GALNT2: variants seen among roughly 807,000 people sequenced by gnomAD.
The protein encoded by GALNT2 is polypeptide N-acetylgalactosaminyltransferase 2, also known as UDP-GalNAc:polypeptide N-acetylgalactosaminyltransferase 2.
A neutral mutation model predicts 81.4 loss-of-function variants in GALNT2; 31 were observed. The observed-to-expected ratio is 0.38, with a 90% CI of 0.29 to 0.51. The LOEUF is 0.51. GALNT2 is among the 20% of genes least tolerant of loss of function. GALNT2 has a pLI of 0.87. For missense variants in GALNT2, 629 were observed against 765.7 expected, an observed-to-expected ratio of 0.82 and a Z score of 2.11; for synonymous variants, 303 against 287.4, an observed-to-expected ratio of 1.05 and a Z score of -0.55.
At chr1:230,190,686 C>G (rs1663494005) in intron 2 of GALNT2, among the ~76,000 whole-genome samples, 1 of 152,098 alleles carries the variant, frequency 6.6e-6, no homozygotes, top group Non-Finnish European at 1.5e-5. Context: ...ATGGGCAGTT[C>G]CCTACCATCT....
At chr1:230,236,139 CAG>C (rs748088518) in intron 4 of GALNT2, 27 bp downstream of exon 4, 1 of 1,601,068 alleles carries the variant, frequency 6.2e-7, no homozygotes, top group South Asian at 1.1e-5. Context: ...CATTACCTGT[CAG>C]GGGTGTTAAG....
At chr1:230,233,748 AT>A (rs1230071857) in intron 3 of GALNT2, among the ~76,000 whole-genome samples, 1 of 152,238 alleles carries the variant, frequency 6.6e-6, no homozygotes, top group Non-Finnish European at 1.5e-5. Context: ...CTGACAATAG[AT>A]TAATAAATTT....
chr1:230,227,856 G>T (rs1450805018), intron 3 of GALNT2, among the ~76,000 whole-genome samples: 2 of 152,096 alleles, frequency 1.3e-5, no homozygotes, highest in African/African-American at 4.8e-5. Context: ...TTTAAAAATT[G>T]TATATTGTGT....
intron 1 of GALNT2, among the ~76,000 whole-genome samples, chr1:230,136,801 G>A (rs370544026): frequency 1.4e-4 from 22 of 152,346 alleles, no homozygotes; most frequent in African/African-American, 5.1e-4. Flanking sequence ...TGTACGGGAA[G>A]CTCAATGGCA....
Position 230,190,608 on chromosome 1 carries a change from C to G in GALNT2, c.220+12297C>G, listed in dbSNP as rs560529076. Among the ~76,000 whole-genome samples, 18 of 152,334 alleles carry G rather than the reference C, an allele frequency of 1.2e-4. No homozygotes were observed. The South Asian group carries it at 2.9e-3, about 25-fold the overall frequency. On this transcript the variant is annotated intron_variant, in intron 2 of 15. Transcript: ENST00000366672. The stretch of plus-strand genomic sequence containing the variant: ...GCCCATCTCTCTTTCAGAGCCCCCT[C>G]TGGGCTCTGACTCCCTGATCGGGGG...
chr1:230,265,242 G>C lies in GALNT2; in HGVS notation c.1315G>C (p.Val439Leu). Residue 439 changes from valine (V) to leucine (L), a missense_variant and splice_region_variant, in exon 14 of 16, where the codon GTT (valine) becomes CTT (leucine). By Grantham distance (32) the Val-to-Leu change is conservative. This residue lies in a region of GALNT2 where 207 missense variants were observed against 225.5 expected (regional missense o/e 0.92). Coordinates refer to ENST00000366672, the MANE Select transcript of GALNT2 (RefSeq NM_004481.5). ...GGTGATTCTCACGTTGTTTTTCAGG[G>C]TTCCAGACCATCAGGATATAGCTTT... ...YLENVYPELRVPDHQDIAFGA... is the reference protein window; with the variant it reads ...YLENVYPELRLPDHQDIAFGA... The C allele has an allele frequency of 3.7e-6, 6 of 1,614,176 alleles. No homozygotes were observed. The highest frequency in any genetic ancestry group is 5.1e-6 in the Non-Finnish European group (6 of 1,180,030).
rs753747330 is a variant in GALNT2 at position 230,097,588 on chromosome 1, C to A, written c.126+30182C>A. Among the ~76,000 whole-genome samples the A allele has an allele frequency of 2.6e-5, 4 of 152,322 alleles. No individual in the cohort carries two copies. In the East Asian group the frequency reaches 7.7e-4, roughly 29 times the overall value. On this transcript the variant is annotated intron_variant, in intron 1 of 15. Coordinates refer to ENST00000366672, the MANE Select transcript of GALNT2 (RefSeq NM_004481.5). ...GTGTGTCGGAATTGCCTTTTGAAGGCTGAGTAATATTCCATTTTGGAGGCT... is the reference window on the plus strand; with the variant it reads ...GTGTGTCGGAATTGCCTTTTGAAGGATGAGTAATATTCCATTTTGGAGGCT...
Position 230,243,318 on chromosome 1 carries a change from C to A in GALNT2, c.620C>A (p.Ser207Ter). Reference sequence around the variant, plus strand: ...CTCGCCTCTGCAGGCCTCATGCGCTCACGGGTTCGGGGGGCCGATGCTGCC... The same window carrying A: ...CTCGCCTCTGCAGGCCTCATGCGCTAACGGGTTCGGGGGGCCGATGCTGCC... ...RNDRREGLMR[S>*]RVRGADAAQA... The change falls in exon 7 of 16, where the codon TCA (serine) becomes TAA (stop). Residue 207 changes from serine (S) to a stop codon, truncating the protein, a stop_gained. Transcript: ENST00000366672. LOFTEE classifies it high-confidence loss of function. This position sits in a 1 kb window ranked among gnomAD's most constrained non-coding sequence, Gnocchi z 4.2. 1 of 1,606,420 alleles carries A rather than the reference C, an allele frequency of 6.2e-7. No homozygotes were observed. The highest frequency in any genetic ancestry group is 8.5e-7 in the Non-Finnish European group (1 of 1,178,866).
At chr1:230,172,348 C>A (rs1315712052) in intron 1 of GALNT2, among the ~76,000 whole-genome samples, 2 of 152,292 alleles carry the variant, frequency 1.3e-5, no homozygotes, top group East Asian at 3.9e-4. Context: ...TGGAAGCAGA[C>A]CCCAGCCCTA....
intron 3 of GALNT2, among the ~76,000 whole-genome samples, chr1:230,214,104 T>A (rs1664312817): frequency 7.1e-6 from 1 of 141,452 alleles, no homozygotes; most frequent in African/African-American, 2.7e-5. Flanking sequence ...TCTGAAAACA[T>A]CTTAACTTTA....
chr1:230,084,746 A>G (rs1466656237), intron 1 of GALNT2, among the ~76,000 whole-genome samples: 1 of 152,134 alleles, frequency 6.6e-6, no homozygotes, highest in African/African-American at 2.4e-5. Flanking sequence ...GCTATGGGCT[A>G]CCAAGTCATT....
intron 1 of GALNT2, among the ~76,000 whole-genome samples, chr1:230,096,561 C>T (rs2102772728): frequency 1.3e-5 from 2 of 152,242 alleles, no homozygotes; most frequent in South Asian, 4.1e-4. Flanking sequence ...TCACCATCAT[C>T]CTGTTTGAAA....
intron 3 of GALNT2, among the ~76,000 whole-genome samples, chr1:230,213,637 A>C (rs1397836598): frequency 6.6e-6 from 1 of 152,178 alleles, no homozygotes; most frequent in African/African-American, 2.4e-5. Flanking sequence ...TGTAAGTACT[A>C]GTTTATTGGG....
chr1:230,235,822 C>T (rs1049390431), intron 3 of GALNT2, among the ~76,000 whole-genome samples, 192 bp from the exon 4 acceptor site: 8 of 152,064 alleles, frequency 5.3e-5, no homozygotes, highest in African/African-American at 9.7e-5. Flanking sequence ...AACGTAACTC[C>T]GGTTGTGTTT....
chr1:230,137,031 G>T (rs144867327), intron 1 of GALNT2, among the ~76,000 whole-genome samples: 2 of 152,204 alleles, frequency 1.3e-5, no homozygotes, highest in Admixed American at 1.3e-4. Context: ...CTAAGAGACC[G>T]TTTCCTTGAA....
intron 2 of GALNT2, among the ~76,000 whole-genome samples, chr1:230,188,969 A>AGCC (rs1663430229): frequency 6.7e-6 from 1 of 149,938 alleles, no homozygotes; most frequent in Non-Finnish European, 1.5e-5. Flanking sequence ...GGACTGGCAA[A>AGCC]GGAGCGGGGG....
At chr1:230,075,257 C>T (rs907848409) in intron 1 of GALNT2, among the ~76,000 whole-genome samples, 1 of 150,622 alleles carries the variant, frequency 6.6e-6, no homozygotes, top group Non-Finnish European at 1.5e-5. Flanking sequence ...TCCTGAGTGG[C>T]TAGGATTACA....
intron 15 of GALNT2, among the ~76,000 whole-genome samples, chr1:230,277,317 C>T (rs144547846): frequency 1.8e-3 from 271 of 152,240 alleles, no homozygotes; most frequent in African/African-American, 6.2e-3. Context: ...GCCACCTGTG[C>T]GAGACGGAGC....
At chr1:230,072,155 A>T (rs1659395423) in intron 1 of GALNT2, among the ~76,000 whole-genome samples, 1 of 152,044 alleles carries the variant, frequency 6.6e-6, no homozygotes, top group Non-Finnish European at 1.5e-5. Context: ...GGTGGTCAGA[A>T]AAATGATGGG....
Sources: allele counts gnomAD v4.1 joint callset (sites outside exome capture counted in the v4.1 genomes callset), GRCh38; gene constraint gnomAD v4.1.1; regional missense constraint gnomAD v4.1.1; non-coding constraint Gnocchi (gnomAD v3.1); transcripts MANE v1.5; gene names NCBI Gene and HGNC (gene_info 2026-07-23, HGNC 2026-07-21).